Variants in GPATCH1 observed in about 807,000 individuals in gnomAD.
GPATCH1 encodes the protein G patch domain-containing protein 1.
Under a neutral mutation model 114.9 loss-of-function variants are expected in GPATCH1, and 73 were observed. The observed-to-expected ratio is 0.64, with a 90% confidence interval of 0.53 to 0.77. The LOEUF is 0.77. Ranked by LOEUF, GPATCH1 falls within the 30% of genes least tolerant of loss-of-function variation. The probability of loss-of-function intolerance (pLI) is 0.00; values close to 1 mark genes in which losing one functional copy is unlikely to be tolerated. For missense variants in GPATCH1, 1,058 were observed against 1,144.3 expected (o/e 0.92, Z 1.09); for synonymous variants, 391 against 428.4 (o/e 0.91, Z 1.08).
chr19:33,103,410 G>C (rs1440521377), intron 9 of GPATCH1, among the ~76,000 whole-genome samples: 1 of 152,112 alleles, frequency 6.6e-6, no homozygotes, highest in Non-Finnish European at 1.5e-5. Flanking sequence ...GTATGAAAAG[G>C]AAGCATAAGG....
intron 12 of GPATCH1, 105 bp from the exon 13 acceptor site, chr19:33,112,381 A>C (rs1286557447): frequency 7.5e-7 from 1 of 1,328,936 alleles, no homozygotes; most frequent in East Asian, 2.3e-5. Context: ...TTATAGCACA[A>C]ACTTTTTTCA....
chr19:33,106,940 C>G, intron 10 of GPATCH1, 41 bp downstream of exon 10: 1 of 1,485,736 alleles, frequency 6.7e-7, no homozygotes, highest in Non-Finnish European at 9.3e-7. Context: ...TCACATAATT[C>G]GAGTTATCAA....
At chr19:33,112,442 G>GT (rs771291145) in intron 12 of GPATCH1, 44 bp from the exon 13 acceptor site, 6 of 1,610,158 alleles carry the variant, frequency 3.7e-6, no homozygotes, top group Non-Finnish European at 5.1e-6. Context: ...AGTCAGGTCA[G>GT]TGGTGCGGCC....
At chr19:33,085,605 A>G (rs1415569773) in intron 1 of GPATCH1, among the ~76,000 whole-genome samples, 2 of 152,196 alleles carry the variant, frequency 1.3e-5, no homozygotes, top group African/African-American at 2.4e-5. Context: ...TATAGGAGGC[A>G]TCTCTGGCTT....
chr19:33,120,998 A>G lies in GPATCH1; in HGVS notation c.2521+1881A>G, dbSNP rs371147064. ...GAGCAAGACTCCGTCTCAAAAAATA[A>G]ATAAATTAATTAATTTAAAAAAAAT... is the stretch of plus-strand genomic sequence containing the variant. On this transcript the variant is annotated intron_variant, in intron 17 of 19. Transcript: ENST00000170564. 3.3e-5 allele frequency among the ~76,000 whole-genome samples: 5 copies of G among 152,130 alleles called. No homozygotes were observed. In the South Asian group the frequency reaches 8.3e-4, roughly 25 times the overall value.
At chr19:33,119,211 G>A in intron 17 of GPATCH1, 94 bp downstream of exon 17, 1 of 596,256 alleles carries the variant, frequency 1.7e-6, no homozygotes, top group Non-Finnish European at 2.9e-6. Flanking sequence ...AAACATACGT[G>A]CTTGCTTCTG....
At chr19:33,123,355 G>A (rs1009320082) in intron 17 of GPATCH1, among the ~76,000 whole-genome samples, 6 of 149,046 alleles carry the variant, frequency 4.0e-5, no homozygotes, top group African/African-American at 1.2e-4. Context: ...AGCTGAGATC[G>A]CACCATTGCA....
intron 10 of GPATCH1, among the ~76,000 whole-genome samples, chr19:33,108,370 C>T (rs796686503): frequency 2.0e-5 from 3 of 152,330 alleles, no homozygotes; most frequent in African/African-American, 7.2e-5. Context: ...CCACCACCTT[C>T]CCTTACCCTC....
intron 1 of GPATCH1, among the ~76,000 whole-genome samples, chr19:33,085,381 G>A (rs1444474689): frequency 6.6e-6 from 1 of 151,908 alleles, no homozygotes; most frequent in South Asian, 2.1e-4. Flanking sequence ...CACCATGCCC[G>A]GCTAATTTTA....
rs774609299 is a variant in GPATCH1, at chr19:33,112,632, T to C, written c.1892+19T>C. ...ATCCAGAGTAAGTTGGATAAACCTT[T>C]ACATCAGTACAAAATGTATTCTTGA... On this transcript the variant is annotated intron_variant, in intron 13 of 19. Coordinates refer to ENST00000170564, the MANE Select transcript of GPATCH1 (RefSeq NM_018025.3). 6.2e-6 allele frequency: 10 copies of C among 1,601,024 alleles called. No homozygotes were observed. In the African/African-American group the frequency reaches 1.1e-4, roughly 17 times the overall value.
chr19:33,122,441 C>T (rs61434794), intron 17 of GPATCH1, among the ~76,000 whole-genome samples: 18,479 of 151,930 alleles, frequency 0.12, 1,414 homozygotes, highest in Admixed American at 0.27. Context: ...TCTCCTGCCT[C>T]AGCCTCCCAA....
chr19:33,105,392 A>G (rs1392213820), intron 9 of GPATCH1, among the ~76,000 whole-genome samples: 2 of 147,294 alleles, frequency 1.4e-5, no homozygotes, highest in Non-Finnish European at 1.5e-5. Context: ...AGCCTGGATG[A>G]CAGAGCAAGA....
At chr19:33,122,746 G>T (rs1230560740) in intron 17 of GPATCH1, among the ~76,000 whole-genome samples, 3 of 151,984 alleles carry the variant, frequency 2.0e-5, no homozygotes, top group Admixed American at 1.3e-4. Context: ...TTAGGGAAAT[G>T]ATTTTTGAAA....
intron 17 of GPATCH1, among the ~76,000 whole-genome samples, chr19:33,121,302 T>G (rs1249067457): frequency 1.4e-5 from 2 of 143,236 alleles, no homozygotes; most frequent in East Asian, 4.4e-4. Flanking sequence ...TTTTGTCTTT[T>G]TCTTTTTCTT....
intron 11 of GPATCH1, among the ~76,000 whole-genome samples, chr19:33,110,336 C>T (rs1276146987): frequency 6.6e-6 from 1 of 152,194 alleles, no homozygotes; most frequent in Non-Finnish European, 1.5e-5. Context: ...CATTTCATAT[C>T]AGCATCATCT....
intron 7 of GPATCH1, among the ~76,000 whole-genome samples, chr19:33,096,729 A>G (rs1255492247): frequency 1.3e-5 from 2 of 151,720 alleles, no homozygotes; most frequent in African/African-American, 4.9e-5. Flanking sequence ...CCTGGGTTCA[A>G]GTGATTCTCC....
intron 7 of GPATCH1, among the ~76,000 whole-genome samples, chr19:33,097,342 C>T (rs1363700909): frequency 2.0e-5 from 3 of 152,298 alleles, no homozygotes; most frequent in Non-Finnish European, 2.9e-5. Context: ...GTTCTTCCAG[C>T]GGGCAGTAGA....
intron 14 of GPATCH1, 116 bp from the exon 15 acceptor site, chr19:33,114,137 A>G (rs1599862950): frequency 3.8e-6 from 4 of 1,042,252 alleles, no homozygotes; most frequent in Non-Finnish European, 5.8e-6. Context: ...AGGACCCTAC[A>G]CAGTGCCAGG....
At chr19:33,114,674 A>T (rs978117182) in intron 15 of GPATCH1, among the ~76,000 whole-genome samples, 1 of 152,172 alleles carries the variant, frequency 6.6e-6, no homozygotes, top group African/African-American at 2.4e-5. Flanking sequence ...AATCCTGGAA[A>T]ATATGTACAT....
Sources: gnomAD v4.1 joint callset for allele counts (sites outside exome capture counted in the v4.1 genomes callset) on GRCh38, gnomAD v4.1.1 for gene constraint, MANE v1.5 for transcripts, NCBI Gene and HGNC (gene_info 2026-07-23, HGNC 2026-07-21) for gene names.